The following AFG2A variants were observed in gnomAD, a reference collection of about 807,000 sequenced individuals.
AFG2A encodes ATPase family gene 2 protein homolog A.
chr4:123,170,853 AC>A, the AFG2A span, among the ~76,000 whole-genome samples: 1 of 152,236 alleles, frequency 6.6e-6, no homozygotes, highest in South Asian at 2.1e-4. Context: ...TTTTAAAAAA[AC>A]CGTTAGTTTT....
chr4:123,098,057 TAGTAG>T, the AFG2A span, among the ~76,000 whole-genome samples: 7 of 152,094 alleles, frequency 4.6e-5, no homozygotes, highest in Admixed American at 2.0e-4. Flanking sequence ...TGCACTACTG[TAGTAG>T]AGTAGTTACA....
chr4:122,981,787 C>CT, the AFG2A span, among the ~76,000 whole-genome samples: 33 of 151,436 alleles, frequency 2.2e-4, no homozygotes, highest in African/African-American at 8.0e-4. Flanking sequence ...ATGGGATTTT[C>CT]TTTTTTTAAT....
chr4:123,009,315 C>T, the AFG2A span, among the ~76,000 whole-genome samples: 8 of 152,176 alleles, frequency 5.3e-5, 1 homozygote, highest in South Asian at 2.1e-4. Flanking sequence ...ACAGTGCTGG[C>T]GTGACTGACC....
At chr4:123,277,045 G>A in the AFG2A span, among the ~76,000 whole-genome samples, 1 of 152,142 alleles carries the variant, frequency 6.6e-6, no homozygotes. Flanking sequence ...GATAGGAATA[G>A]CACTGAATCT....
the AFG2A span, among the ~76,000 whole-genome samples, chr4:123,172,993 T>TG: frequency 1.3e-5 from 2 of 152,256 alleles, no homozygotes; most frequent in Non-Finnish European, 2.9e-5. Context: ...AAAGTAAATA[T>TG]GTAAAAATGT....
chr4:122,957,349 A>G, the AFG2A span, among the ~76,000 whole-genome samples: 1 of 152,222 alleles, frequency 6.6e-6, no homozygotes, highest in Non-Finnish European at 1.5e-5. Flanking sequence ...TCATTGGAAC[A>G]GTTTTATAAT....
At chr4:123,206,252 G>T in the AFG2A span, among the ~76,000 whole-genome samples, 1 of 152,010 alleles carries the variant, frequency 6.6e-6, no homozygotes, top group Non-Finnish European at 1.5e-5. Flanking sequence ...AGGAATGTAA[G>T]TATAAATTTT....
the AFG2A span, among the ~76,000 whole-genome samples, chr4:123,302,580 C>CT: frequency 1.5e-4 from 22 of 148,992 alleles, no homozygotes; most frequent in Middle Eastern, 3.5e-3. Context: ...AGCAGGAGAC[C>CT]TTTTTTTTTT....
the AFG2A span, among the ~76,000 whole-genome samples, chr4:123,008,582 C>A: frequency 1.3e-5 from 2 of 152,036 alleles, no homozygotes; most frequent in African/African-American, 4.8e-5. Context: ...TTCACATGTC[C>A]CGTGTTAAAA....
the AFG2A span, among the ~76,000 whole-genome samples, chr4:123,100,182 A>G: frequency 7.6e-3 from 1,150 of 151,808 alleles, 14 homozygotes; most frequent in African/African-American, 0.026. Context: ...TTGCTTATTC[A>G]CCCACACTGA....
At chr4:123,184,599 G>A in the AFG2A span, among the ~76,000 whole-genome samples, 9 of 137,392 alleles carry the variant, frequency 6.6e-5, no homozygotes, top group South Asian at 1.8e-3. Flanking sequence ...TGCAGTGGCG[G>A]GATCTCGGCT....
chr4:123,006,905 T>TTG, the AFG2A span, among the ~76,000 whole-genome samples: 65,249 of 150,052 alleles, frequency 0.43, 16,970 homozygotes, highest in Non-Finnish European at 0.57. Flanking sequence ...GTTATTTTTT[T>TTG]TTTCCATTTG....
the AFG2A span, among the ~76,000 whole-genome samples, chr4:123,264,978 G>C: frequency 1.3e-5 from 2 of 152,190 alleles, no homozygotes; most frequent in African/African-American, 4.8e-5. Flanking sequence ...CTGGGATCTT[G>C]GGATCTTAGT....
the AFG2A span, among the ~76,000 whole-genome samples, chr4:123,247,945 T>C: frequency 6.6e-6 from 1 of 152,218 alleles, no homozygotes; most frequent in African/African-American, 2.4e-5. Flanking sequence ...TCTACTAGTG[T>C]CTTAGCCTGT....
chr4:123,052,865 G>A, the AFG2A span, among the ~76,000 whole-genome samples: 1 of 152,226 alleles, frequency 6.6e-6, no homozygotes, highest in Non-Finnish European at 1.5e-5. Flanking sequence ...GAAGCTGACA[G>A]TGTAGCCTTC....
At chr4:123,167,283 T>TG in the AFG2A span, among the ~76,000 whole-genome samples, 4 of 150,414 alleles carry the variant, frequency 2.7e-5, no homozygotes, top group African/African-American at 9.7e-5. Flanking sequence ...TATAGCTTTT[T>TG]GGGGGGTCCT....
At chr4:123,276,837 T>G in the AFG2A span, among the ~76,000 whole-genome samples, 1 of 152,172 alleles carries the variant, frequency 6.6e-6, no homozygotes, top group African/African-American at 2.4e-5. Context: ...TTCATTGGTC[T>G]ATGTTTCTGT....
chr4:123,295,453 C>G, the AFG2A span, among the ~76,000 whole-genome samples: 2 of 152,224 alleles, frequency 1.3e-5, no homozygotes, highest in Non-Finnish European at 2.9e-5. Context: ...GAAAACAGCT[C>G]AAATATCTTT....
the AFG2A span, among the ~76,000 whole-genome samples, chr4:123,176,618 G>A: frequency 6.6e-6 from 1 of 152,128 alleles, no homozygotes; most frequent in East Asian, 1.9e-4. Flanking sequence ...GGACGGAAGG[G>A]GCCAGTAGCC....
Sources: gnomAD v4.1 joint callset for allele counts (sites outside exome capture counted in the v4.1 genomes callset) on GRCh38, gnomAD v4.1.1 for gene constraint, MANE v1.5 for transcripts, NCBI Gene and HGNC (gene_info 2026-07-23, HGNC 2026-07-21) for gene names.